PXDNL: variants seen among roughly 807,000 people sequenced by gnomAD.
PXDNL encodes the protein probable oxidoreductase PXDNL.
PXDNL carries 145 observed loss-of-function variants against 150.8 expected under a neutral mutation model. The ratio of observed to expected loss-of-function variants is 0.96; its 90% CI spans 0.84 to 1.10. PXDNL has a LOEUF of 1.10. Among genes scored for constraint, PXDNL ranks in the 50% least tolerant of loss-of-function variants. The pLI is 0.00. For missense variants in PXDNL, 2,087 were observed against 1,873.9 expected, an observed-to-expected ratio of 1.11 and a Z score of -2.10; for synonymous variants, 757 against 725.7, an observed-to-expected ratio of 1.04 and a Z score of -0.69.
intron 2 of PXDNL, among the ~76,000 whole-genome samples, chr8:51,639,970 C>A (rs1311479307): frequency 6.6e-6 from 1 of 152,032 alleles, no homozygotes; most frequent in South Asian, 2.1e-4. Context: ...TACTGGCAAA[C>A]CGAATCCAGC....
chr8:51,542,421 T>C (rs936958498), intron 4 of PXDNL, among the ~76,000 whole-genome samples: 8 of 151,660 alleles, frequency 5.3e-5, no homozygotes, highest in African/African-American at 1.7e-4. Context: ...TATTTGGAGA[T>C]AGGGCCTTTG....
At chr8:51,569,083 C>A (rs6473626) in intron 3 of PXDNL, among the ~76,000 whole-genome samples, 1 of 151,812 alleles carries the variant, frequency 6.6e-6, no homozygotes, top group Non-Finnish European at 1.5e-5. Context: ...AAAATCTCTG[C>A]CGAATCTGAG....
intron 21 of PXDNL, among the ~76,000 whole-genome samples, chr8:51,322,884 G>A (rs922860633): frequency 6.6e-6 from 1 of 152,196 alleles, no homozygotes; most frequent in African/African-American, 2.4e-5. Flanking sequence ...TTACTCAATA[G>A]ATATATTCAG....
intron 4 of PXDNL, among the ~76,000 whole-genome samples, chr8:51,544,152 A>C (rs1018089889): frequency 4.6e-5 from 7 of 152,196 alleles, no homozygotes; most frequent in Non-Finnish European, 8.8e-5. Context: ...CCTTTGGTAA[A>C]AGTTCATTAT....
At chr8:51,505,239 C>T (rs539127698) in intron 4 of PXDNL, among the ~76,000 whole-genome samples, 2 of 152,266 alleles carry the variant, frequency 1.3e-5, no homozygotes, top group African/African-American at 4.8e-5. Flanking sequence ...AAAAATCTTC[C>T]TATGATCTTT....
chr8:51,676,908 C>T (rs965978382), intron 1 of PXDNL, among the ~76,000 whole-genome samples: 1 of 152,068 alleles, frequency 6.6e-6, no homozygotes, highest in Non-Finnish European at 1.5e-5. Flanking sequence ...GAATAAACAC[C>T]TCAGGGCTAA....
chr8:51,326,112 C>T (rs1805476911), intron 21 of PXDNL, among the ~76,000 whole-genome samples: 2 of 152,100 alleles, frequency 1.3e-5, no homozygotes, highest in South Asian at 4.2e-4. Context: ...GCCCAAGGTC[C>T]CTGATCAGTC....
At chr8:51,785,097 A>C (rs1342197368) in intron 1 of PXDNL, among the ~76,000 whole-genome samples, 1 of 152,204 alleles carries the variant, frequency 6.6e-6, no homozygotes, top group South Asian at 2.1e-4. Context: ...CTTTAGTGGA[A>C]TTAAACATTT....
At chr8:51,569,125 G>A (rs1390708363) in intron 3 of PXDNL, among the ~76,000 whole-genome samples, 1 of 151,742 alleles carries the variant, frequency 6.6e-6, no homozygotes, top group African/African-American at 2.4e-5. Context: ...CTCTCTTCTG[G>A]CTGCATGTTT....
intron 2 of PXDNL, among the ~76,000 whole-genome samples, chr8:51,594,416 C>T (rs1233680894): frequency 6.6e-6 from 1 of 152,116 alleles, no homozygotes; most frequent in African/African-American, 2.4e-5. Flanking sequence ...TCTTTCAAAG[C>T]CACAATTAGA....
intron 12 of PXDNL, among the ~76,000 whole-genome samples, chr8:51,440,396 C>T (rs1188209970): frequency 6.6e-6 from 1 of 151,910 alleles, no homozygotes; most frequent in African/African-American, 2.4e-5. Context: ...TTCATGTAAC[C>T]AAACACCACC....
chr8:51,775,429 GA>G (rs2037341529), intron 1 of PXDNL, among the ~76,000 whole-genome samples: 1 of 152,144 alleles, frequency 6.6e-6, no homozygotes, highest in African/African-American at 2.4e-5. Context: ...ACATTTCTCT[GA>G]TTCTCTACAG....
intron 1 of PXDNL, among the ~76,000 whole-genome samples, chr8:51,668,124 C>T (rs959290132): frequency 6.8e-6 from 1 of 147,984 alleles, no homozygotes; most frequent in African/African-American, 2.5e-5. Context: ...GAATGTTATT[C>T]TTCCTCTTCC....
At chr8:51,541,254 A>AAATAAAG (rs34783357) in intron 4 of PXDNL, among the ~76,000 whole-genome samples, 16 of 44,306 alleles carry the variant, frequency 3.6e-4, no homozygotes, top group African/African-American at 3.0e-3. Flanking sequence ...GAGACTCCAT[A>AAATAAAG]AAAAAAAAAA....
intron 1 of PXDNL, among the ~76,000 whole-genome samples, chr8:51,745,864 G>A (rs887405107): frequency 6.6e-6 from 1 of 151,772 alleles, no homozygotes; most frequent in African/African-American, 2.4e-5. Context: ...CTGCCTCGCA[G>A]GTTCAGGTGA....
chr8:51,617,708 T>C (rs1158258114), intron 2 of PXDNL, among the ~76,000 whole-genome samples: 2 of 152,188 alleles, frequency 1.3e-5, no homozygotes, highest in Non-Finnish European at 1.5e-5. Flanking sequence ...AAAATGTCTG[T>C]AGCAAGTATG....
intron 5 of PXDNL, among the ~76,000 whole-genome samples, chr8:51,488,063 G>A (rs111789428): frequency 0.015 from 2,246 of 152,176 alleles, 47 homozygotes; most frequent in African/African-American, 0.05. Flanking sequence ...TCAAAGTTCC[G>A]GGGAAAAGAA....
Position 51,408,763 on chromosome 8 carries a change from A to C in PXDNL, c.2861T>G (p.Phe954Cys). The C allele has an allele frequency of 6.3e-7, 1 of 1,586,566 alleles. No individual in the cohort carries two copies. Residue 954 changes from phenylalanine (F) to cysteine (C), a missense_variant, in exon 17 of 23, where the codon TTC (phenylalanine) becomes TGC (cysteine). Transcript: ENST00000356297. ...CARQEQESPC[F>C]LAGDHRANEH... ...GTTGGCCCGGTGGTCCCCGGCCAGG[A>C]AACAGGGGCTCTCCTGCTCCTGTCG...
At chr8:51,371,551 G>A (rs1296567430) in intron 19 of PXDNL, among the ~76,000 whole-genome samples, 1 of 152,190 alleles carries the variant, frequency 6.6e-6, no homozygotes. Flanking sequence ...ACCCCAAGAA[G>A]TAGATATAGT....
Sources: allele counts gnomAD v4.1 joint callset (sites outside exome capture counted in the v4.1 genomes callset), GRCh38; gene constraint gnomAD v4.1.1; transcripts MANE v1.5; gene names NCBI Gene and HGNC (gene_info 2026-07-23, HGNC 2026-07-21).